The following NAA30 variants were observed in gnomAD, a reference collection of about 807,000 sequenced individuals.
NAA30 encodes N-alpha-acetyltransferase 30.
Under a neutral mutation model 31.4 loss-of-function variants are expected in NAA30, and 5 were observed. The ratio of observed to expected loss-of-function variants is 0.16; its 90% CI spans 0.08 to 0.33. NAA30 has a LOEUF of 0.33. Among genes scored for constraint, NAA30 ranks in the 10% least tolerant of loss-of-function variants. The pLI is 1.00. For missense variants in NAA30, 428 were observed against 490.8 expected (o/e 0.87, Z 1.21); for synonymous variants, 222 against 207.1 (o/e 1.07, Z -0.62).
At chr14:57,408,235 G>A (rs534359118) in intron 4 of NAA30, among the ~76,000 whole-genome samples, 1 of 152,074 alleles carries the variant, frequency 6.6e-6, no homozygotes, top group Admixed American at 6.6e-5. Context: ...ACACTTGAGG[G>A]TTATGACACC....
At chr14:57,390,891 C>A in intron 1 of NAA30, 66 bp from the exon 2 acceptor site, 1 of 1,438,444 alleles carries the variant, frequency 7.0e-7, no homozygotes, top group Non-Finnish European at 9.1e-7. Context: ...CCATCCGTCG[C>A]CCCCTGTTCT....
intron 4 of NAA30, among the ~76,000 whole-genome samples, chr14:57,401,016 A>G (rs1038375121): frequency 6.6e-6 from 1 of 152,040 alleles, no homozygotes; most frequent in African/African-American, 2.4e-5. Flanking sequence ...GATTACAGGC[A>G]TGAGCCGTTG....
In NAA30 at chr14:57,410,366, A is replaced by G. The variant is rs1033528381; in HGVS notation, c.*850A>G. The G allele has an allele frequency of 6.6e-6, 1 of 152,572 alleles. No individual in the cohort carries two copies. Among genetic ancestry groups the G allele is most frequent in the African/African-American group, 2.4e-5 (1 of 41,454 alleles). The allele number at this position is 152,572 out of a possible 1,614,324, so 9.5% of individuals were successfully genotyped here. ...ATAAGAAAAGTTGATGGAGCCGGGA[A>G]TTGCTGGGGTTTAGATGCACTTTTT... On this transcript the variant is annotated 3_prime_UTR_variant, in exon 5 of 5. Coordinates refer to ENST00000556492, the MANE Select transcript of NAA30 (RefSeq NM_001011713.3).
In NAA30 at chr14:57,410,489, G is replaced by T. The variant is rs866639522; in HGVS notation, c.*973G>T. 9.2e-5 allele frequency: 14 copies of T among 152,680 alleles called. No homozygotes were observed. Among genetic ancestry groups the T allele is most frequent in the African/African-American group, 3.4e-4 (14 of 41,568 alleles). The allele number at this position is 152,680 out of a possible 1,614,324, so 9.5% of individuals were successfully genotyped here. A position where few individuals can be genotyped will look rare whatever the true frequency, so the allele number is the denominator to read the frequency against. On this transcript the variant is annotated 3_prime_UTR_variant, in exon 5 of 5. Coordinates refer to ENST00000556492, the MANE Select transcript of NAA30 (RefSeq NM_001011713.3). The stretch of plus-strand genomic sequence containing the variant: ...AATTACTGCTACGCTGCGAAGAACA[G>T]CTTTTACAAAGTAGCTGAATTTGTT...
At chr14:57,404,431 T>A (rs1026834865) in intron 4 of NAA30, among the ~76,000 whole-genome samples, 3 of 152,218 alleles carry the variant, frequency 2.0e-5, no homozygotes, top group African/African-American at 7.2e-5. Flanking sequence ...ATTTATAGTA[T>A]CTTAAAATAT....
Position 57,391,866 on chromosome 14 carries a change from A to C in NAA30, c.771+138A>C. 1.4e-6 allele frequency: 1 copy of C among 700,458 alleles called. No homozygotes were observed. Among genetic ancestry groups the C allele is most frequent in the Admixed American group, 2.6e-5 (1 of 38,580 alleles). The allele number at this position is 700,458 out of a possible 1,614,324, so 43.4% of individuals were successfully genotyped here. A position where few individuals can be genotyped will look rare whatever the true frequency, so the allele number is the denominator to read the frequency against. On this transcript the variant is annotated intron_variant, in intron 2 of 4. Coordinates refer to ENST00000556492, the MANE Select transcript of NAA30 (RefSeq NM_001011713.3). The surrounding 1 kb of genome is among the most constrained non-coding windows in gnomAD (Gnocchi z 4.1). ...CGTTATATGATGTCAAGTGCTGTACACATTCCTAGTTATTTAATGAAATTG... is the reference window on the plus strand; with the variant it reads ...CGTTATATGATGTCAAGTGCTGTACCCATTCCTAGTTATTTAATGAAATTG...
intron 4 of NAA30, among the ~76,000 whole-genome samples, chr14:57,400,747 A>G (rs188183817): frequency 1.3e-5 from 2 of 152,372 alleles, no homozygotes; most frequent in East Asian, 3.8e-4. Flanking sequence ...TACAAAATTT[A>G]TACACAGTCA....
intron 2 of NAA30, among the ~76,000 whole-genome samples, chr14:57,392,622 G>C (rs2066434467): frequency 6.6e-6 from 1 of 152,218 alleles, no homozygotes; most frequent in South Asian, 2.1e-4. Flanking sequence ...CTTAAACGTT[G>C]ACTGCAGGTG....
In NAA30 at chr14:57,415,233, G is replaced by A. The variant is rs770324847; in HGVS notation, c.*5717G>A. 1.3e-4 allele frequency: 20 copies of A among 152,112 alleles called. No individual in the cohort carries two copies. The highest frequency in any genetic ancestry group is 2.1e-4 in the Non-Finnish European group (14 of 68,014). 9.4% of individuals were successfully genotyped at this position (152,112 alleles called of 1,614,324 possible). ...AATCAATTTGAAATTTCTTAAAAACGTTTATAAGACTTTTCTGGTCTCCTT... is the reference window on the plus strand; with the variant it reads ...AATCAATTTGAAATTTCTTAAAAACATTTATAAGACTTTTCTGGTCTCCTT... On this transcript the variant is annotated 3_prime_UTR_variant, in exon 5 of 5. Coordinates refer to ENST00000556492, the MANE Select transcript of NAA30 (RefSeq NM_001011713.3).
At position 57,391,671 on chromosome 14, in the gene NAA30, C is replaced by A. The variant is rs1224317835; in HGVS notation, c.714C>A (p.Pro238=). 6.2e-7 allele frequency: 1 copy of A among 1,613,986 alleles called. No homozygotes were observed. The highest frequency in any genetic ancestry group is 8.5e-7 in the Non-Finnish European group (1 of 1,179,984). Residue 238 remains proline, a synonymous_variant, in exon 2 of 5, where the codon CCC becomes CCA. Coordinates refer to ENST00000556492, the MANE Select transcript of NAA30 (RefSeq NM_001011713.3). The surrounding 1 kb of genome is among the most constrained non-coding windows in gnomAD (Gnocchi z 4.1). ...MRLITKDLSE[P]YSIYTYRYFI... The stretch of plus-strand genomic sequence containing the variant: ...TGATCACCAAAGATCTGTCCGAACC[C>A]TACTCCATTTATACCTATAGATATT...
intron 3 of NAA30, among the ~76,000 whole-genome samples, chr14:57,397,256 A>G (rs1488274478): frequency 6.6e-6 from 1 of 152,180 alleles, no homozygotes; most frequent in East Asian, 1.9e-4. Flanking sequence ...GGTTAAGTGG[A>G]CCTCAATCAA....
chr14:57,402,514 TA>T (rs1289953133), intron 4 of NAA30, among the ~76,000 whole-genome samples: 1 of 152,230 alleles, frequency 6.6e-6, no homozygotes, highest in Non-Finnish European at 1.5e-5. Context: ...GTATTGTTAT[TA>T]ACTTGTCTTT....
Position 57,415,199 on chromosome 14 carries a change from T to TA in NAA30, c.*5684dup, listed in dbSNP as rs2066542007. On this transcript the variant is annotated 3_prime_UTR_variant, in exon 5 of 5. Coordinates refer to ENST00000556492, the MANE Select transcript of NAA30 (RefSeq NM_001011713.3). ...TAAAGACATTTGTTATTGGATGTGT[T>TA]ACATAGTAAATCAATTTGAAATTTC... 1 of 152,238 alleles carries TA rather than the reference T, an allele frequency of 6.6e-6. No individual in the cohort carries two copies. The highest frequency in any genetic ancestry group is 1.5e-5 in the Non-Finnish European group (1 of 68,038). The allele number at this position is 152,238 out of a possible 1,614,324, so 9.4% of individuals were successfully genotyped here.
At position 57,413,948 on chromosome 14, in the gene NAA30, CAT is replaced by C. The variant is rs781738208; in HGVS notation, c.*4433_*4434del. 7.9e-5 allele frequency: 12 copies of C among 152,210 alleles called. No homozygotes were observed. Among genetic ancestry groups the C allele is most frequent in the South Asian group, 6.2e-4 (3 of 4,830 alleles). 9.4% of individuals were successfully genotyped at this position (152,210 alleles called of 1,614,324 possible). A position where few individuals can be genotyped will look rare whatever the true frequency, so the allele number is the denominator to read the frequency against. ...TCCCCAGTATGGTAGTTACTAGTCA[CAT>C]GTGTAGCTACTGAGCCCCTGAAGTG... is the stretch of plus-strand genomic sequence containing the variant. On this transcript the variant is annotated 3_prime_UTR_variant, in exon 5 of 5. Coordinates refer to ENST00000556492, the MANE Select transcript of NAA30 (RefSeq NM_001011713.3).
At position 57,391,523 on chromosome 14, in the gene NAA30, C is replaced by T. The variant is rs563422935; in HGVS notation, c.566C>T (p.Ser189Leu). 1 of 1,613,608 alleles carries T rather than the reference C, an allele frequency of 6.2e-7. No individual in the cohort carries two copies. The highest frequency in any genetic ancestry group is 8.5e-7 in the Non-Finnish European group (1 of 1,179,948). ...EEDEQVRLLS[S>L]SLTADCSLRS... is the part of the protein sequence containing the mutation. ...GACGAGCAGGTGCGGCTGCTGTCTTCGTCCCTGACCGCCGACTGCAGCTTA... is the reference window on the plus strand; with the variant it reads ...GACGAGCAGGTGCGGCTGCTGTCTTTGTCCCTGACCGCCGACTGCAGCTTA... The change falls in exon 2 of 5, where the codon TCG becomes TTG. Residue 189 changes from serine (S) to leucine (L), a missense_variant. Physicochemically the swap from Ser to Leu is moderately radical, Grantham distance 145 (BLOSUM62 -2). This residue lies in a region of NAA30 where 349 missense variants were observed against 310.4 expected (regional missense o/e 1.12). Coordinates refer to ENST00000556492, the MANE Select transcript of NAA30 (RefSeq NM_001011713.3). This position sits in a 1 kb window ranked among gnomAD's most constrained non-coding sequence, Gnocchi z 4.1.
In NAA30 at chr14:57,412,992, G is replaced by A. The variant is rs2066530243; in HGVS notation, c.*3476G>A. On this transcript the variant is annotated 3_prime_UTR_variant, in exon 5 of 5. Coordinates refer to ENST00000556492, the MANE Select transcript of NAA30 (RefSeq NM_001011713.3). ...TCAGTCAACTCATATGTCAGTTATC[G>A]GTACATTTTCCATGTGTTCAGTCAA... The A allele has an allele frequency of 6.6e-6, 1 of 152,050 alleles. No individual in the cohort carries two copies. The highest frequency in any genetic ancestry group is 2.4e-5 in the African/African-American group (1 of 41,398). 9.4% of individuals were successfully genotyped at this position (152,050 alleles called of 1,614,324 possible).
chr14:57,392,574 A>G (rs1308632961), intron 2 of NAA30, among the ~76,000 whole-genome samples: 1 of 152,254 alleles, frequency 6.6e-6, no homozygotes, highest in Non-Finnish European at 1.5e-5. Context: ...TTTCTTCACA[A>G]TAATATTGAC....
chr14:57,396,709 C>G, intron 2 of NAA30, 43 bp from the exon 3 acceptor site: 1 of 1,610,320 alleles, frequency 6.2e-7, no homozygotes, highest in Non-Finnish European at 8.5e-7. Context: ...TGTGCAGTAC[C>G]TGATGGCAAT....
At chr14:57,394,542 T>C (rs1163657937) in intron 2 of NAA30, among the ~76,000 whole-genome samples, 1 of 152,090 alleles carries the variant, frequency 6.6e-6, no homozygotes, top group Admixed American at 6.5e-5. Context: ...CACATATTCA[T>C]GAGTAGTTTA....
Sources: allele counts gnomAD v4.1 joint callset (sites outside exome capture counted in the v4.1 genomes callset), GRCh38; gene constraint gnomAD v4.1.1; regional missense constraint gnomAD v4.1.1; non-coding constraint Gnocchi (gnomAD v3.1); transcripts MANE v1.5; gene names NCBI Gene and HGNC (gene_info 2026-07-23, HGNC 2026-07-21).